Variants in ABCA4 observed in about 807,000 individuals in gnomAD.
The protein encoded by ABCA4 is ATP binding cassette subfamily A member 4.
A neutral mutation model predicts 263.7 loss-of-function variants in ABCA4; 196 were observed. The ratio of observed to expected loss-of-function variants is 0.74; its 90% CI spans 0.66 to 0.84. ABCA4 has a LOEUF of 0.84. Among genes scored for constraint, ABCA4 ranks in the 40% least tolerant of loss-of-function variants. ABCA4 has a pLI of 0.00. For missense variants in ABCA4, 2,792 were observed against 2,855.1 expected (o/e 0.98, Z 0.50); for synonymous variants, 1,133 against 1,094.2 (o/e 1.04, Z -0.70).
intron 16 of ABCA4, among the ~76,000 whole-genome samples, chr1:94,053,865 T>C (rs1660903696): frequency 6.6e-6 from 1 of 152,200 alleles, no homozygotes; most frequent in African/African-American, 2.4e-5. Flanking sequence ...CTAGAAGCCT[T>C]CCTCCTATTC....
In ABCA4 at chr1:94,063,208, T is replaced by G; in HGVS notation, c.1664A>C (p.Asp555Ala). The change falls in exon 12 of 50, where the codon GAC (aspartate) becomes GCC (alanine). Residue 555 changes from aspartate (D) to alanine (A), a missense_variant. Coordinates refer to ENST00000370225, the MANE Select transcript of ABCA4 (RefSeq NM_000350.3). ...TAGAGAGCTGGTCCAGGGATACATGTCAGGGAATACCACTCCGGCCCAGAA... is the reference window on the plus strand; with the variant it reads ...TAGAGAGCTGGTCCAGGGATACATGGCAGGGAATACCACTCCGGCCCAGAA... Reference protein sequence around the residue: ...NMFWAGVVFPDMYPWTSSLPP... With the variant: ...NMFWAGVVFPAMYPWTSSLPP... 1 of 1,614,104 alleles carries G rather than the reference T, an allele frequency of 6.2e-7. No homozygotes were observed. Among genetic ancestry groups the G allele is most frequent in the Non-Finnish European group, 8.5e-7 (1 of 1,179,996 alleles).
intron 27 of ABCA4, 43 bp downstream of exon 27, chr1:94,031,735 G>A (rs375368512): frequency 2.1e-4 from 336 of 1,611,598 alleles, no homozygotes; most frequent in Non-Finnish European, 2.7e-4. Flanking sequence ...AAGGCTGGGA[G>A]AGGAGCCACT....
chr1:94,043,738 T>A (rs1446784903), intron 20 of ABCA4, among the ~76,000 whole-genome samples: 9 of 151,514 alleles, frequency 5.9e-5, no homozygotes, highest in Non-Finnish European at 1.0e-4. Context: ...ACATGAAAGA[T>A]GTTCCTGATA....
At chr1:93,996,298 G>T in intron 48 of ABCA4, 103 bp from the exon 49 acceptor site, 1 of 905,514 alleles carries the variant, frequency 1.1e-6, no homozygotes, top group Non-Finnish European at 1.8e-6. Context: ...TTCACATACA[G>T]CCCTGCTGGT....
intron 6 of ABCA4, among the ~76,000 whole-genome samples, chr1:94,089,470 A>ATT (rs60711208): frequency 0.23 from 32,681 of 141,680 alleles, 4,108 homozygotes; most frequent in Non-Finnish European, 0.3. Flanking sequence ...TTTCTTTTCT[A>ATT]TTTTTTTTTT....
chr1:94,015,968 C>T (rs938934833), intron 36 of ABCA4, 114 bp from the exon 37 acceptor site: 11 of 910,392 alleles, frequency 1.2e-5, no homozygotes, highest in Middle Eastern at 2.7e-4. Context: ...GATTCTGATT[C>T]GACTTGCTTT....
chr1:93,994,388 C>T (rs991329336), intron 49 of ABCA4, among the ~76,000 whole-genome samples: 3 of 152,190 alleles, frequency 2.0e-5, no homozygotes, highest in African/African-American at 7.2e-5. Context: ...AGAGAAATAT[C>T]TGTGTGGTCC....
At chr1:94,032,364 C>A (rs574092185) in intron 26 of ABCA4, among the ~76,000 whole-genome samples, 1 of 152,286 alleles carries the variant, frequency 6.6e-6, no homozygotes, top group African/African-American at 2.4e-5. Flanking sequence ...TGGCTGGGCA[C>A]GGAGGCTCAC....
At chr1:94,044,010 C>T (rs1268710826) in intron 20 of ABCA4, among the ~76,000 whole-genome samples, 5 of 151,634 alleles carry the variant, frequency 3.3e-5, no homozygotes, top group Non-Finnish European at 2.9e-5. Context: ...CTTCCTCCTT[C>T]CCCTTCCCTT....
chr1:94,067,887 C>T (rs911006009), intron 11 of ABCA4, among the ~76,000 whole-genome samples: 1 of 152,194 alleles, frequency 6.6e-6, no homozygotes, highest in African/African-American at 2.4e-5. Flanking sequence ...TGGAAAGAGC[C>T]TGTGTTTTTA....
At chr1:94,116,984 TTC>T (rs1557812294) in intron 1 of ABCA4, among the ~76,000 whole-genome samples, 11 of 116,686 alleles carry the variant, frequency 9.4e-5, no homozygotes, top group African/African-American at 3.3e-4. Context: ...CTTTCTTTCT[TTC>T]TTTCTTTCTT....
chr1:94,093,926 A>AC (rs1047349243), intron 6 of ABCA4, among the ~76,000 whole-genome samples: 1 of 151,630 alleles, frequency 6.6e-6, no homozygotes, highest in South Asian at 2.1e-4. Context: ...TTTTCATAAA[A>AC]CCCCCCAAAA....
At chr1:94,017,271 A>C (rs1659769358) in intron 36 of ABCA4, among the ~76,000 whole-genome samples, 1 of 152,224 alleles carries the variant, frequency 6.6e-6, no homozygotes, top group African/African-American at 2.4e-5. Context: ...CGAATTGAAC[A>C]TCATCAGTAA....
intron 38 of ABCA4, 123 bp from the exon 39 acceptor site, chr1:94,011,508 G>C (rs1659547549): frequency 6.7e-7 from 1 of 1,495,600 alleles, no homozygotes; most frequent in South Asian, 1.1e-5. Flanking sequence ...GAGAGTCCTT[G>C]CAGCCAGACT....
intron 14 of ABCA4, among the ~76,000 whole-genome samples, chr1:94,058,855 G>A (rs1390510105): frequency 6.6e-6 from 1 of 152,200 alleles, no homozygotes; most frequent in Non-Finnish European, 1.5e-5. Context: ...AGTAACAAAG[G>A]GACCTTCCCA....
intron 13 of ABCA4, among the ~76,000 whole-genome samples, chr1:94,061,128 GA>G (rs1661113527): frequency 6.6e-6 from 1 of 152,208 alleles, no homozygotes; most frequent in Admixed American, 6.5e-5. Flanking sequence ...TGCTGACACT[GA>G]AACCCAAGAG....
chr1:93,999,785 C>T (rs144433983), intron 47 of ABCA4, among the ~76,000 whole-genome samples: 1 of 152,318 alleles, frequency 6.6e-6, no homozygotes, highest in South Asian at 2.1e-4. Flanking sequence ...CCTCTCACCC[C>T]CTCTATCATG....
chr1:94,082,585 G>C (rs374391252), intron 7 of ABCA4, among the ~76,000 whole-genome samples: 1 of 152,182 alleles, frequency 6.6e-6, no homozygotes, highest in African/African-American at 2.4e-5. Flanking sequence ...GTTTTATAAA[G>C]ACAGATTCCA....
chr1:94,052,295 G>A, intron 16 of ABCA4, among the ~76,000 whole-genome samples: 1 of 152,146 alleles, frequency 6.6e-6, no homozygotes. Flanking sequence ...GATCTACCAG[G>A]GTTCCAAGAA....
Sources: gnomAD v4.1 joint callset for allele counts (sites outside exome capture counted in the v4.1 genomes callset) on GRCh38, gnomAD v4.1.1 for gene constraint, MANE v1.5 for transcripts, NCBI Gene and HGNC (gene_info 2026-07-23, HGNC 2026-07-21) for gene names.